Variants in RBFOX1 observed in about 807,000 individuals in gnomAD.
RBFOX1 encodes the protein RNA binding protein fox-1 homolog 1.
In RBFOX1, 8 loss-of-function variants were observed where a neutral mutation model predicts 57.7. That is an observed-to-expected ratio of 0.14 (90% CI 0.08 to 0.25). The LOEUF is 0.25. Ranked by LOEUF, RBFOX1 falls within the 10% of genes least tolerant of loss-of-function variation. The pLI is 1.00. For synonymous variants in RBFOX1, 326 were observed against 222.4 expected (o/e 1.47, Z -4.15); for missense variants, 611 against 548.5 (o/e 1.11, Z -1.14).
At chr16:6,126,040 T>C (rs1374197139) in intron 1 of RBFOX1, among the ~76,000 whole-genome samples, 1 of 152,206 alleles carries the variant, frequency 6.6e-6, no homozygotes, top group Non-Finnish European at 1.5e-5. Context: ...TTCATCCTTT[T>C]CCTATGACAA....
chr16:5,497,760 G>A (rs2043052081), intron 2 of RBFOX1, among the ~76,000 whole-genome samples: 2 of 152,242 alleles, frequency 1.3e-5, no homozygotes, highest in Middle Eastern at 3.4e-3. Context: ...CTCCAGCCTG[G>A]ACAACAGAGT....
At chr16:6,159,133 T>C (rs765257574) in intron 1 of RBFOX1, among the ~76,000 whole-genome samples, 119 of 152,058 alleles carry the variant, frequency 7.8e-4, no homozygotes, top group Non-Finnish European at 1.2e-3. Context: ...CTGGAGTTCA[T>C]TGGCGTGATC....
chr16:5,395,073 G>A (rs1194436751), intron 1 of RBFOX1, among the ~76,000 whole-genome samples: 7 of 152,150 alleles, frequency 4.6e-5, no homozygotes, highest in Non-Finnish European at 8.8e-5. Context: ...CAACCTGCCC[G>A]TTCAGCCTTG....
chr16:6,723,579 A>T (rs2066478726), intron 3 of RBFOX1, among the ~76,000 whole-genome samples: 1 of 152,200 alleles, frequency 6.6e-6, no homozygotes. Context: ...GGAGAAGTGG[A>T]TGGCAGTAGG....
intron 1 of RBFOX1, among the ~76,000 whole-genome samples, chr16:5,398,238 T>C (rs1364878177): frequency 6.6e-6 from 1 of 152,138 alleles, no homozygotes; most frequent in East Asian, 1.9e-4. Context: ...TGTGTGGACA[T>C]GGACATGTCT....
At chr16:6,999,564 T>C (rs1299305634) in intron 3 of RBFOX1, among the ~76,000 whole-genome samples, 2 of 152,128 alleles carry the variant, frequency 1.3e-5, no homozygotes, top group African/African-American at 2.4e-5. Context: ...TAGAATAGTA[T>C]ACTGATCCCT....
chr16:7,337,816 C>G (rs774104942), intron 4 of RBFOX1, among the ~76,000 whole-genome samples: 1 of 152,160 alleles, frequency 6.6e-6, no homozygotes, highest in Non-Finnish European at 1.5e-5. Flanking sequence ...TCCCAAGTAA[C>G]TGGGATTACA....
chr16:6,032,363 C>G (rs2095303049), intron 1 of RBFOX1, among the ~76,000 whole-genome samples: 1 of 115,996 alleles, frequency 8.6e-6, no homozygotes, highest in Admixed American at 9.6e-5. Flanking sequence ...TGCCTCTAAC[C>G]CAACTCTTCT....
intron 4 of RBFOX1, among the ~76,000 whole-genome samples, chr16:7,327,584 A>G (rs1023476430): frequency 1.3e-5 from 2 of 152,186 alleles, no homozygotes; most frequent in African/African-American, 2.4e-5. Flanking sequence ...TTCTGTTTTG[A>G]TAGTCAACAA....
chr16:6,536,656 G>GT (rs575648145), intron 2 of RBFOX1, among the ~76,000 whole-genome samples: 103 of 152,042 alleles, frequency 6.8e-4, no homozygotes, highest in African/African-American at 2.4e-3. Context: ...AGTATGGCTT[G>GT]TGAGGGTTCT....
At chr16:5,608,682 A>T (rs953489447) in intron 3 of RBFOX1, among the ~76,000 whole-genome samples, 4 of 152,216 alleles carry the variant, frequency 2.6e-5, no homozygotes, top group African/African-American at 9.6e-5. Flanking sequence ...GTTGTCTGTT[A>T]CAAGGCTGCA....
chr16:7,472,505 A>G (rs965581824), intron 4 of RBFOX1, among the ~76,000 whole-genome samples: 1 of 152,216 alleles, frequency 6.6e-6, no homozygotes, highest in African/African-American at 2.4e-5. Context: ...AGTTATTCTG[A>G]TATGAAAATC....
At chr16:6,650,141 C>G (rs931366416) in intron 2 of RBFOX1, among the ~76,000 whole-genome samples, 2 of 152,160 alleles carry the variant, frequency 1.3e-5, no homozygotes, top group Non-Finnish European at 2.9e-5. Flanking sequence ...TGAGAAGCCT[C>G]CACACCGTTT....
intron 3 of RBFOX1, among the ~76,000 whole-genome samples, chr16:5,693,079 C>A (rs1426227957): frequency 6.6e-6 from 1 of 152,154 alleles, no homozygotes; most frequent in Non-Finnish European, 1.5e-5. Flanking sequence ...AGGCAGTATT[C>A]TGGTTGCTAT....
intron 3 of RBFOX1, among the ~76,000 whole-genome samples, chr16:6,752,347 A>C (rs747386317): frequency 6.6e-6 from 1 of 152,206 alleles, no homozygotes; most frequent in Non-Finnish European, 1.5e-5. Flanking sequence ...CAATGATCTC[A>C]GTCTAATTAA....
chr16:7,182,249 C>T (rs2082865609), intron 4 of RBFOX1, among the ~76,000 whole-genome samples: 3 of 152,132 alleles, frequency 2.0e-5, no homozygotes, highest in Admixed American at 6.5e-5. Context: ...AGTTTACCTT[C>T]GCTTTGTAAA....
intron 4 of RBFOX1, among the ~76,000 whole-genome samples, chr16:7,117,665 C>G (rs1164961460): frequency 1.3e-5 from 2 of 152,178 alleles, no homozygotes; most frequent in African/African-American, 2.4e-5. Context: ...CACATTACCA[C>G]CTGCAGAAGC....
intron 2 of RBFOX1, among the ~76,000 whole-genome samples, chr16:6,429,341 G>T (rs924124647): frequency 6.6e-6 from 1 of 152,188 alleles, no homozygotes; most frequent in African/African-American, 2.4e-5. Flanking sequence ...AGGGTTTCTT[G>T]TTGACCCTAG....
intron 1 of RBFOX1, among the ~76,000 whole-genome samples, chr16:6,302,296 G>A (rs2078913284): frequency 6.6e-6 from 1 of 151,876 alleles, no homozygotes; most frequent in Non-Finnish European, 1.5e-5. Flanking sequence ...CGGAGATGCT[G>A]AGTGCTGTAT....
Sources: allele counts gnomAD v4.1 joint callset (sites outside exome capture counted in the v4.1 genomes callset), GRCh38; gene constraint gnomAD v4.1.1; transcripts MANE v1.5; gene names NCBI Gene and HGNC (gene_info 2026-07-23, HGNC 2026-07-21).